Variants in IFT140 observed in about 807,000 individuals in gnomAD.
IFT140 encodes intraflagellar transport protein 140 homolog.
Under a neutral mutation model 164.6 loss-of-function variants are expected in IFT140, and 133 were observed. The observed-to-expected ratio is 0.81, with a 90% CI of 0.70 to 0.93. The LOEUF (loss-of-function observed/expected upper bound fraction) is 0.93, where lower values mean the gene tolerates loss of function less well. Ranked by LOEUF, IFT140 falls within the 40% of genes least tolerant of loss-of-function variation. The pLI is 0.00. For missense variants in IFT140, 2,045 were observed against 1,972.3 expected, an observed-to-expected ratio of 1.04 and a Z score of -0.70; for synonymous variants, 860 against 817.3, an observed-to-expected ratio of 1.05 and a Z score of -0.89.
chr16:1,548,101 C>T (rs1218889821), intron 19 of IFT140, among the ~76,000 whole-genome samples: 1 of 152,240 alleles, frequency 6.6e-6, no homozygotes, highest in Non-Finnish European at 1.5e-5. Context: ...GCTCTTCCCT[C>T]CCAGGGCCTC....
intron 19 of IFT140, among the ~76,000 whole-genome samples, chr16:1,535,985 C>T (rs1596321907): frequency 6.6e-6 from 1 of 152,254 alleles, no homozygotes; most frequent in South Asian, 2.1e-4. Context: ...GCCGCAGCCC[C>T]GTTACTGTGC....
At chr16:1,523,280 C>T (rs1225691356) in intron 26 of IFT140, among the ~76,000 whole-genome samples, 1 of 152,054 alleles carries the variant, frequency 6.6e-6, no homozygotes, top group East Asian at 1.9e-4. Flanking sequence ...TTACCCCCCA[C>T]CATAGGTGAG....
rs760794740 is a variant in IFT140, at chr16:1,583,315, T to C, written c.1431A>G (p.Ala477=). 20 of 1,613,798 alleles carry C rather than the reference T, an allele frequency of 1.2e-5. No homozygotes were observed. The change falls in exon 12 of 31, where the codon GCA becomes GCG. Residue 477 remains alanine, a splice_region_variant and synonymous_variant. Coordinates refer to ENST00000426508, the MANE Select transcript of IFT140 (RefSeq NM_014714.4). ...FELSGAAIRS[A]GTFLCETPVL... ...TCTGTCCGGGTGAAAAGAACCCACCTGCACTCCGTATCGCGGCTCCAGAAA... is the reference window on the plus strand; with the variant it reads ...TCTGTCCGGGTGAAAAGAACCCACCCGCACTCCGTATCGCGGCTCCAGAAA...
At chr16:1,524,727 C>G (rs779768890) in intron 23 of IFT140, 32 bp from the exon 24 acceptor site, 6 of 1,581,240 alleles carry the variant, frequency 3.8e-6, no homozygotes, top group Middle Eastern at 1.7e-4. Flanking sequence ...AGACGAGACA[C>G]GGTGGCCTTG....
intron 19 of IFT140, chr16:1,534,022 C>G (rs2030789935): frequency 3.9e-6 from 2 of 518,072 alleles, no homozygotes; most frequent in Admixed American, 8.1e-5. Flanking sequence ...GCTGCCCACC[C>G]TCTGCTCCCT....
intron 10 of IFT140, among the ~76,000 whole-genome samples, chr16:1,584,805 G>A (rs1688366103): frequency 6.6e-6 from 1 of 152,168 alleles, no homozygotes; most frequent in Non-Finnish European, 1.5e-5. Context: ...GCTTTCTTCT[G>A]CTGATGTGAA....
intron 19 of IFT140, 158 bp from the exon 20 acceptor site, chr16:1,526,954 CA>C: frequency 1.3e-6 from 1 of 751,322 alleles, no homozygotes; most frequent in South Asian, 2.0e-5. Flanking sequence ...GGCAAGACTG[CA>C]GGCCATGCAG....
chr16:1,541,891 C>T (rs1406695451), intron 19 of IFT140: 2 of 1,560,978 alleles, frequency 1.3e-6, no homozygotes, highest in Non-Finnish European at 8.7e-7. Context: ...CACCTGCACT[C>T]ACCACTGCCT....
intron 2 of IFT140, among the ~76,000 whole-genome samples, chr16:1,608,450 G>T (rs909335255): frequency 1.3e-5 from 2 of 151,510 alleles, no homozygotes; most frequent in African/African-American, 4.8e-5. Flanking sequence ...GCAAAATGGC[G>T]AACGCCACCC....
intron 26 of IFT140, among the ~76,000 whole-genome samples, chr16:1,522,350 C>T (rs965792427): frequency 6.6e-6 from 1 of 151,848 alleles, no homozygotes; most frequent in East Asian, 1.9e-4. Context: ...GAGAGAGACT[C>T]TGTCTCAAAA....
intron 12 of IFT140, among the ~76,000 whole-genome samples, chr16:1,581,915 G>GA (rs1292424448): frequency 6.6e-6 from 1 of 151,064 alleles, no homozygotes; most frequent in South Asian, 2.1e-4. Context: ...TGTTAGCAGA[G>GA]AAAAAAAAAT....
chr16:1,558,367 G>A (rs557822649), intron 18 of IFT140, among the ~76,000 whole-genome samples: 3 of 152,330 alleles, frequency 2.0e-5, no homozygotes, highest in South Asian at 4.1e-4. Flanking sequence ...AAGGCTGCCC[G>A]TGCAGGAATT....
Position 1,520,319 on chromosome 16 carries a change from C to G in IFT140, c.3685G>C (p.Gly1229Arg). 6.2e-7 allele frequency: 1 copy of G among 1,614,172 alleles called. No homozygotes were observed. The highest frequency in any genetic ancestry group is 8.5e-7 in the Non-Finnish European group (1 of 1,180,050). Residue 1229 changes from glycine (G) to arginine (R), a missense_variant, in exon 28 of 31, where the codon GGA (glycine) becomes CGA (arginine). By Grantham distance (125) the Gly-to-Arg change is moderately radical. Transcript: ENST00000426508. ...LKAMRALLKS[G>R]DTEKITFFAS... ...AAGAACGTGATTTTCTCCGTGTCTC[C>G]GGATTTGAGCAGCGCCCTCATGGCC...
chr16:1,587,818 C>G, intron 8 of IFT140, 115 bp downstream of exon 8: 1 of 777,912 alleles, frequency 1.3e-6, no homozygotes, highest in Non-Finnish European at 2.1e-6. Context: ...AGTATGAGAG[C>G]ACTCAGCATC....
intron 4 of IFT140, among the ~76,000 whole-genome samples, chr16:1,601,268 A>G (rs1249429362): frequency 1.3e-5 from 2 of 151,794 alleles, no homozygotes; most frequent in East Asian, 3.9e-4. Context: ...CATCACAAAA[A>G]AAAAAAAAAA....
At chr16:1,535,485 G>C (rs937977062) in intron 19 of IFT140, among the ~76,000 whole-genome samples, 1 of 152,206 alleles carries the variant, frequency 6.6e-6, no homozygotes, top group African/African-American at 2.4e-5. Context: ...ACAGACTCGG[G>C]GTTGGACGCT....
At chr16:1,542,560 GCT>G (rs1276844785) in intron 19 of IFT140, among the ~76,000 whole-genome samples, 2 of 152,244 alleles carry the variant, frequency 1.3e-5, no homozygotes, top group African/African-American at 4.8e-5. Context: ...CAAGGCATGT[GCT>G]CTGTTATAAA....
chr16:1,579,115 T>C (rs892035509), intron 13 of IFT140: 1 of 152,190 alleles, frequency 6.6e-6, no homozygotes, highest in South Asian at 2.1e-4. Flanking sequence ...CATATGTATA[T>C]GTTGTATGTA....
rs977750870 is a variant in IFT140 at position 1,571,912 on chromosome 16, C to T, written c.1525-378G>A. ...GAAAGTGCCAGGCACGGAGAGAGGGCGAATTCCATCCACTGGGGAGCTCTG... is the reference window on the plus strand; with the variant it reads ...GAAAGTGCCAGGCACGGAGAGAGGGTGAATTCCATCCACTGGGGAGCTCTG... On this transcript the variant is annotated intron_variant, in intron 13 of 30. Coordinates refer to ENST00000426508, the MANE Select transcript of IFT140 (RefSeq NM_014714.4). 1.7e-4 allele frequency among the ~76,000 whole-genome samples: 26 copies of T among 152,178 alleles called. 1 individual carries two copies. Among genetic ancestry groups the T allele is most frequent in the South Asian group, 8.3e-4 (4 of 4,822 alleles).
Sources: gnomAD v4.1 joint callset for allele counts (sites outside exome capture counted in the v4.1 genomes callset) on GRCh38, gnomAD v4.1.1 for gene constraint, MANE v1.5 for transcripts, NCBI Gene and HGNC (gene_info 2026-07-23, HGNC 2026-07-21) for gene names.